The following NCKAP5L variants were observed in gnomAD, a reference collection of about 807,000 sequenced individuals.
NCKAP5L encodes the protein NCK associated protein 5 like, also known as nck-associated protein 5-like.
In NCKAP5L, 54 loss-of-function variants were observed where a neutral mutation model predicts 103.2. That is an observed-to-expected ratio of 0.52 (90% CI 0.42 to 0.66). The LOEUF is 0.66. Ranked by LOEUF, NCKAP5L falls within the 30% of genes least tolerant of loss-of-function variation. The probability of loss-of-function intolerance (pLI) is 0.00; values close to 1 mark genes in which losing one functional copy is unlikely to be tolerated. For synonymous variants in NCKAP5L, 762 were observed against 748.6 expected (o/e 1.02, Z -0.29); for missense variants, 1,733 against 1,750.6 (o/e 0.99, Z 0.18).
intron 6 of NCKAP5L, among the ~76,000 whole-genome samples, chr12:49,801,606 C>T (rs574438434): frequency 6.6e-6 from 1 of 152,176 alleles, no homozygotes; most frequent in Non-Finnish European, 1.5e-5. Context: ...TCTCCCCACC[C>T]AAGGCAGGAG....
chr12:49,818,836 T>C (rs994717458), intron 1 of NCKAP5L, among the ~76,000 whole-genome samples: 1 of 152,104 alleles, frequency 6.6e-6, no homozygotes, highest in African/African-American at 2.4e-5. Flanking sequence ...AGGGAACCCT[T>C]GTACACCACT....
At chr12:49,799,967 G>A (rs1006337626) in intron 6 of NCKAP5L, among the ~76,000 whole-genome samples, 5 of 152,146 alleles carry the variant, frequency 3.3e-5, no homozygotes, top group Non-Finnish European at 7.4e-5. Flanking sequence ...AGGCAGAGGC[G>A]GGTGGGTCAC....
chr12:49,799,234 C>G (rs536157570), intron 6 of NCKAP5L, among the ~76,000 whole-genome samples: 2 of 152,134 alleles, frequency 1.3e-5, no homozygotes, highest in South Asian at 4.2e-4. Flanking sequence ...GTTTGGTGGT[C>G]TTTCAATCTC....
At chr12:49,819,219 G>T (rs1468608596) in intron 1 of NCKAP5L, among the ~76,000 whole-genome samples, 1 of 151,936 alleles carries the variant, frequency 6.6e-6, no homozygotes, top group African/African-American at 2.4e-5. Context: ...GGCCGAGGCG[G>T]GAGAATAGCT....
chr12:49,793,496 T>C, intron 9 of NCKAP5L, 63 bp from the exon 10 acceptor site: 2 of 1,528,078 alleles, frequency 1.3e-6, no homozygotes, highest in Middle Eastern at 1.7e-4. Flanking sequence ...TCCCCATGCC[T>C]CTAGAGGGTG....
At chr12:49,802,004 G>T in intron 5 of NCKAP5L, 37 bp from the exon 6 acceptor site, 1 of 1,610,130 alleles carries the variant, frequency 6.2e-7, no homozygotes. Flanking sequence ...AAGAAGAGGT[G>T]AGGATGGTGG....
intron 1 of NCKAP5L, among the ~76,000 whole-genome samples, chr12:49,810,743 TTG>T (rs980981890): frequency 2.6e-5 from 4 of 152,226 alleles, no homozygotes; most frequent in African/African-American, 9.6e-5. Flanking sequence ...TTATTATTAT[TTG>T]TGTTTTTGGA....
At chr12:49,793,271 C>G in intron 10 of NCKAP5L, 81 bp downstream of exon 10, 1 of 1,390,036 alleles carries the variant, frequency 7.2e-7, no homozygotes, top group Non-Finnish European at 1.0e-6. Flanking sequence ...GCACCTGCTG[C>G]GGGGACGGGA....
chr12:49,803,020 A>G (rs1254767038), intron 4 of NCKAP5L, 24 bp from the exon 5 acceptor site: 8 of 1,614,256 alleles, frequency 5.0e-6, no homozygotes, highest in Non-Finnish European at 6.8e-6. Flanking sequence ...GCCCCGAGGC[A>G]GAGCCATCAG....
At position 49,797,139 on chromosome 12, in the gene NCKAP5L, C is replaced by G. The variant is rs1213751974; in HGVS notation, c.721G>C (p.Ala241Pro). The change falls in exon 8 of 13, where the codon GCG (alanine) becomes CCG (proline). Residue 241 changes from alanine to proline, a missense_variant. By Grantham distance (27) the Ala-to-Pro change is conservative. Transcript: ENST00000335999. The surrounding 1 kb of genome is among the most constrained non-coding windows in gnomAD (Gnocchi z 4.5). ...CCAGGGCCTAGCAGCAGGCAGGGCGCCCAGGGTGAGGGTTCAGGCTGAGGC... is the reference window on the plus strand; with the variant it reads ...CCAGGGCCTAGCAGCAGGCAGGGCGGCCAGGGTGAGGGTTCAGGCTGAGGC... ...GPPQPEPSPWAPCLLLGPGNL... is the reference protein window; with the variant it reads ...GPPQPEPSPWPPCLLLGPGNL... 3 of 1,606,350 alleles carry G rather than the reference C, an allele frequency of 1.9e-6. No homozygotes were observed. Among genetic ancestry groups the G allele is most frequent in the Admixed American group, 1.7e-5 (1 of 58,668 alleles).
chr12:49,827,428 C>T (rs1441759948), intron 1 of NCKAP5L, among the ~76,000 whole-genome samples: 2 of 152,220 alleles, frequency 1.3e-5, no homozygotes, highest in Non-Finnish European at 2.9e-5. Flanking sequence ...GCCTGGAAAA[C>T]CAGGCCTGTG....
intron 6 of NCKAP5L, among the ~76,000 whole-genome samples, chr12:49,799,998 C>A (rs1372542169): frequency 6.6e-6 from 1 of 152,178 alleles, no homozygotes. Context: ...GAGTTCGAGA[C>A]CAGCCTGACC....
intron 1 of NCKAP5L, among the ~76,000 whole-genome samples, chr12:49,809,274 C>T (rs982269895): frequency 1.3e-5 from 2 of 152,180 alleles, no homozygotes; most frequent in African/African-American, 4.8e-5. Context: ...GTGGCTCCTA[C>T]CTCCTCTCCA....
chr12:49,798,449 T>G lies in NCKAP5L; in HGVS notation c.366A>C (p.Pro122=), dbSNP rs1592750667. 6.3e-7 allele frequency: 1 copy of G among 1,576,682 alleles called. No homozygotes were observed. Among genetic ancestry groups the G allele is most frequent in the Non-Finnish European group, 8.6e-7 (1 of 1,161,214 alleles). ...TGSLPQIPLT[P]LQPPSEPPAS... Reference sequence around the variant, plus strand: ...CTGGTGGCTCTGATGGTGGCTGGAGTGGAGTGAGTGGGATCTGCAGAGGGA... The same window carrying G: ...CTGGTGGCTCTGATGGTGGCTGGAGGGGAGTGAGTGGGATCTGCAGAGGGA... The change falls in exon 7 of 13, where the codon CCA becomes CCC. Residue 122 remains proline, a synonymous_variant. Coordinates refer to ENST00000335999, the MANE Select transcript of NCKAP5L (RefSeq NM_001037806.4).
chr12:49,807,912 A>C (rs1403805855), intron 1 of NCKAP5L, among the ~76,000 whole-genome samples: 1 of 152,272 alleles, frequency 6.6e-6, no homozygotes, highest in Non-Finnish European at 1.5e-5. Context: ...AATGGGATGA[A>C]GAAGGCAGCA....
At position 49,795,971 on chromosome 12, in the gene NCKAP5L, G is replaced by A; in HGVS notation, c.1889C>T (p.Ser630Phe). 1.3e-6 allele frequency: 2 copies of A among 1,535,608 alleles called. No individual in the cohort carries two copies. Among genetic ancestry groups the A allele is most frequent in the Non-Finnish European group, 8.7e-7 (1 of 1,147,906 alleles). The change falls in exon 8 of 13, where the codon TCT becomes TTT. Residue 630 changes from serine to phenylalanine, a missense_variant. Physicochemically the swap from Ser to Phe is radical, Grantham distance 155 (BLOSUM62 -2). Coordinates refer to ENST00000335999, the MANE Select transcript of NCKAP5L (RefSeq NM_001037806.4). ...TGGGGTCCTGCGGCCGGGATGGGGA[G>A]ACTCCGAGCCTGCCTTGTCCAAACT... Reference protein sequence around the residue: ...EKSLDKAGSESPHPGRRTPGN... With the variant: ...EKSLDKAGSEFPHPGRRTPGN...
In NCKAP5L at chr12:49,792,860, G is replaced by T; in HGVS notation, c.3467C>A (p.Pro1156His). ...KTKPPRLDPP[P>H]GVPPARPPPL... ...TGGGGGCCGAGCTGGGGGTACCCCA[G>T]GTGGGGGATCCAGCCGCGGTGGCTT... is the stretch of plus-strand genomic sequence containing the variant. The change falls in exon 11 of 13, where the codon CCT becomes CAT. Residue 1156 changes from proline (P) to histidine (H), a missense_variant. Physicochemically the swap from Pro to His is moderately conservative, Grantham distance 77 (BLOSUM62 -2). Transcript: ENST00000335999. The surrounding 1 kb of genome is among the most constrained non-coding windows in gnomAD (Gnocchi z 4.5). The T allele has an allele frequency of 6.5e-7, 1 of 1,548,604 alleles. No homozygotes were observed.
intron 2 of NCKAP5L, 141 bp from the exon 3 acceptor site, chr12:49,804,221 G>A: frequency 1.5e-6 from 1 of 675,246 alleles, no homozygotes; most frequent in Non-Finnish European, 2.4e-6. Context: ...CCTGGTCACG[G>A]TCACGGGGCA....
intron 1 of NCKAP5L, among the ~76,000 whole-genome samples, chr12:49,807,019 C>A (rs1946187849): frequency 6.6e-6 from 1 of 152,196 alleles, no homozygotes; most frequent in South Asian, 2.1e-4. Context: ...GAGGCCGACT[C>A]CGAGTCCCAG....
Sources: allele counts gnomAD v4.1 joint callset (sites outside exome capture counted in the v4.1 genomes callset), GRCh38; gene constraint gnomAD v4.1.1; non-coding constraint Gnocchi (gnomAD v3.1); transcripts MANE v1.5; gene names NCBI Gene and HGNC (gene_info 2026-07-23, HGNC 2026-07-21).